Variants in FBLN7 observed in about 807,000 individuals in gnomAD.
FBLN7 encodes fibulin 7.
In FBLN7, 31 loss-of-function variants were observed where a neutral mutation model predicts 44.0. That is an observed-to-expected ratio of 0.70 (90% CI 0.53 to 0.95). The LOEUF is 0.95. Ranked by LOEUF, FBLN7 falls within the 40% of genes least tolerant of loss-of-function variation. FBLN7 has a pLI of 0.00. For missense variants in FBLN7, 573 were observed against 618.5 expected, an observed-to-expected ratio of 0.93 and a Z score of 0.78; for synonymous variants, 262 against 253.4, an observed-to-expected ratio of 1.03 and a Z score of -0.32.
the FBLN7 span, chr2:112,212,801 C>G: frequency 3.3e-5 from 5 of 152,032 alleles, no homozygotes; most frequent in African/African-American, 1.2e-4. Flanking sequence ...TGCATAGACA[C>G]AATCCTAGCA....
At chr2:112,219,736 T>A in the FBLN7 span, among the ~76,000 whole-genome samples, 1 of 152,134 alleles carries the variant, frequency 6.6e-6, no homozygotes, top group East Asian at 1.9e-4. Context: ...ATGAGCAGAA[T>A]GTACATTCTG....
At chr2:112,220,927 C>T in the FBLN7 span, among the ~76,000 whole-genome samples, 1 of 152,170 alleles carries the variant, frequency 6.6e-6, no homozygotes, top group Non-Finnish European at 1.5e-5. Flanking sequence ...GATGACTATC[C>T]GTCATGAGGA....
chr2:112,240,086 ACTT>A, the FBLN7 span, among the ~76,000 whole-genome samples: 2 of 152,174 alleles, frequency 1.3e-5, no homozygotes, highest in African/African-American at 4.8e-5. Context: ...AGGCCACCAA[ACTT>A]CTTGTCTCTA....
intron 1 of FBLN7, among the ~76,000 whole-genome samples, chr2:112,153,855 G>A (rs578072162): frequency 1.3e-5 from 2 of 152,338 alleles, no homozygotes; most frequent in Non-Finnish European, 2.9e-5. Flanking sequence ...AGAAGGGGCT[G>A]GAGGGGAGAT....
At chr2:112,185,728 G>A (rs573937733) in intron 7 of FBLN7, among the ~76,000 whole-genome samples, 28 of 152,226 alleles carry the variant, frequency 1.8e-4, no homozygotes, top group African/African-American at 6.5e-4. Flanking sequence ...GGAGGTGACA[G>A]CATTCACATA....
the FBLN7 span, among the ~76,000 whole-genome samples, chr2:112,221,411 G>C: frequency 6.6e-6 from 1 of 152,168 alleles, no homozygotes; most frequent in African/African-American, 2.4e-5. Context: ...TGCCATGTCT[G>C]TAAGTAAGTT....
chr2:112,186,735 T>G (rs560229925), intron 7 of FBLN7, among the ~76,000 whole-genome samples: 30 of 152,344 alleles, frequency 2.0e-4, no homozygotes, highest in African/African-American at 7.2e-4. Flanking sequence ...GGCTAACTGC[T>G]GAGGTCCTGC....
Position 112,165,171 on chromosome 2 carries a change from G to A in FBLN7, c.406G>A (p.Gly136Ser). Residue 136 changes from glycine (G) to serine (S), a missense_variant and splice_region_variant, in exon 3 of 8, where the codon GGT becomes AGT. Transcript: ENST00000331203. ...TWTGEQPHCRGISECSSQPCQ... is the reference protein window; with the variant it reads ...TWTGEQPHCRSISECSSQPCQ... The stretch of plus-strand genomic sequence containing the variant: ...GACAGGGGAGCAGCCCCACTGTAGA[G>A]GTATCGTCTCTCCTTCCCATCCCAC... 2.5e-6 allele frequency: 4 copies of A among 1,613,836 alleles called. No individual in the cohort carries two copies. Among genetic ancestry groups the A allele is most frequent in the South Asian group, 1.1e-5 (1 of 91,042 alleles).
chr2:112,233,742 G>A, the FBLN7 span, among the ~76,000 whole-genome samples: 2 of 152,018 alleles, frequency 1.3e-5, no homozygotes, highest in East Asian at 1.9e-4. Context: ...GGTGGCTAGC[G>A]TCTGTAGTCC....
rs181609328 is a variant in FBLN7, at chr2:112,153,700, C to T, written c.76-5976C>T. On this transcript the variant is annotated intron_variant, in intron 1 of 7. Coordinates refer to ENST00000331203, the MANE Select transcript of FBLN7 (RefSeq NM_153214.3). Reference sequence around the variant, plus strand: ...ACACACCCATCTTTGGCTGTGTCCACCCTTGGACCAGGAGGTAGGGTCTGG... The same window carrying T: ...ACACACCCATCTTTGGCTGTGTCCATCCTTGGACCAGGAGGTAGGGTCTGG... 4.1e-4 allele frequency among the ~76,000 whole-genome samples: 62 copies of T among 152,296 alleles called. 1 individual carries two copies. The highest frequency in any genetic ancestry group is 3.8e-3 in the Admixed American group (58 of 15,306).
chr2:112,241,563 T>C, the FBLN7 span, among the ~76,000 whole-genome samples: 1 of 152,252 alleles, frequency 6.6e-6, no homozygotes, highest in African/African-American at 2.4e-5. Flanking sequence ...AATTGACATT[T>C]GGTATTTGAA....
chr2:112,187,134 C>A lies in FBLN7; in HGVS notation c.948C>A (p.Phe316Leu). ...CCTCCATTTTGCCTCTCCGCTCCAG[C>A]CAGTGTGAGCGGAACCCCTGCCCCA... is the stretch of plus-strand genomic sequence containing the variant. Reference protein sequence around the residue: ...GNVSYVKTSPFQCERNPCPMD... With the variant: ...GNVSYVKTSPLQCERNPCPMD... The change falls in exon 8 of 8, where the codon TTC becomes TTA. Residue 316 changes from phenylalanine (F) to leucine (L), a missense_variant and splice_region_variant. By Grantham distance (22) the Phe-to-Leu change is conservative. Transcript: ENST00000331203. The surrounding 1 kb of genome is among the most constrained non-coding windows in gnomAD (Gnocchi z 5.1). The A allele has an allele frequency of 6.2e-7, 1 of 1,613,468 alleles. No individual in the cohort carries two copies. Among genetic ancestry groups the A allele is most frequent in the Non-Finnish European group, 8.5e-7 (1 of 1,179,696 alleles).
intron 6 of FBLN7, 113 bp downstream of exon 6, chr2:112,183,041 T>C (rs1245532131): frequency 4.2e-6 from 6 of 1,417,442 alleles, no homozygotes; most frequent in African/African-American, 3.0e-5. Flanking sequence ...TTCAGATACA[T>C]TGGATTTTTA....
the FBLN7 span, among the ~76,000 whole-genome samples, chr2:112,217,789 T>C: frequency 4.6e-5 from 7 of 152,234 alleles, no homozygotes; most frequent in African/African-American, 1.7e-4. Context: ...TCAGTTGTCC[T>C]CCTCAAAGTG....
intron 2 of FBLN7, among the ~76,000 whole-genome samples, chr2:112,162,318 C>CTT (rs557275122): frequency 1.2e-4 from 16 of 138,324 alleles, no homozygotes; most frequent in African/African-American, 3.4e-4. Context: ...CCTGTTTTGC[C>CTT]TTTTTTTTTT....
chr2:112,204,248 C>A, the FBLN7 span, among the ~76,000 whole-genome samples: 1 of 147,948 alleles, frequency 6.8e-6, no homozygotes. Flanking sequence ...AAACATAGGT[C>A]ATTGATATTA....
intron 3 of FBLN7, among the ~76,000 whole-genome samples, chr2:112,174,834 C>A (rs1682654363): frequency 6.6e-6 from 1 of 152,116 alleles, no homozygotes; most frequent in African/African-American, 2.4e-5. Flanking sequence ...CTCAGACTCC[C>A]AAGTAGCTGG....
At chr2:112,146,801 G>A (rs985903925) in intron 1 of FBLN7, among the ~76,000 whole-genome samples, 2 of 152,056 alleles carry the variant, frequency 1.3e-5, no homozygotes, top group Admixed American at 6.6e-5. Flanking sequence ...ATTTATTTAT[G>A]TATTTAGCCT....
At chr2:112,229,135 C>T in the FBLN7 span, among the ~76,000 whole-genome samples, 1 of 152,108 alleles carries the variant, frequency 6.6e-6, no homozygotes, top group Non-Finnish European at 1.5e-5. Context: ...ACCTTCAGAT[C>T]TTCACTTGAT....
Sources: gnomAD v4.1 joint callset for allele counts (sites outside exome capture counted in the v4.1 genomes callset) on GRCh38, gnomAD v4.1.1 for gene constraint, Gnocchi (gnomAD v3.1) non-coding constraint, MANE v1.5 for transcripts, NCBI Gene and HGNC (gene_info 2026-07-23, HGNC 2026-07-21) for gene names.